RTN2: variants seen among roughly 807,000 people sequenced by gnomAD.
RTN2 encodes the protein reticulon-2.
RTN2 carries 36 observed loss-of-function variants against 63.7 expected under a neutral mutation model. The observed-to-expected ratio is 0.56, with a 90% CI of 0.43 to 0.75. The LOEUF is 0.75. Among genes scored for constraint, RTN2 ranks in the 30% least tolerant of loss-of-function variants. The pLI, the probability that RTN2 is intolerant of heterozygous loss-of-function variation, is 0.00. For synonymous variants in RTN2, 312 were observed against 313.0 expected (o/e 1.00, Z 0.03); for missense variants, 673 against 705.1 (o/e 0.95, Z 0.52).
chr19:45,493,066 T>G, intron 5 of RTN2, 94 bp downstream of exon 5: 6 of 1,204,388 alleles, frequency 5.0e-6, no homozygotes, highest in Non-Finnish European at 7.4e-6. Flanking sequence ...AGCAGATCAG[T>G]AATAAAAATG....
rs1306074364 is a variant in RTN2 at position 45,488,642 on chromosome 19, A to G, written c.1445T>C (p.Ile482Thr). Residue 482 changes from isoleucine (I) to threonine (T), a missense_variant, in exon 8 of 11, where the codon ATT becomes ACT. Ile to Thr is a moderately conservative substitution (Grantham distance 89, BLOSUM62 -1). Coordinates refer to ENST00000245923, the MANE Select transcript of RTN2 (RefSeq NM_005619.5). ...TTACGGCCTTCCCAGCTCACCCAGA[A>G]TGAGAAGAGTCAAACCATTGAAGAT... ...GAIFNGLTLL[I>T]LGVIGLFTIP... The G allele has an allele frequency of 6.2e-7, 1 of 1,614,024 alleles. No individual in the cohort carries two copies. The highest frequency in any genetic ancestry group is 1.7e-5 in the Admixed American group (1 of 59,966).
Position 45,485,800 on chromosome 19 carries a change from A to G in RTN2, c.1557-11T>C, listed in dbSNP as rs758326437. The stretch of plus-strand genomic sequence containing the variant: ...ATTTTAGCTCGGATCCTGAAGGAGA[A>G]ACAGGTGGGATCACGAGGTGGGGCA... On this transcript the variant is annotated splice_polypyrimidine_tract_variant and intron_variant, in intron 10 of 10. Coordinates refer to ENST00000245923, the MANE Select transcript of RTN2 (RefSeq NM_005619.5). 1.2e-5 allele frequency: 19 copies of G among 1,610,054 alleles called. No individual in the cohort carries two copies. The highest frequency in any genetic ancestry group is 1.6e-5 in the Non-Finnish European group (19 of 1,176,526).
At chr19:45,488,296 C>T (rs375082546) in intron 9 of RTN2, among the ~76,000 whole-genome samples, 175 bp downstream of exon 9, 77 of 152,248 alleles carry the variant, frequency 5.1e-4, no homozygotes, top group African/African-American at 1.7e-3. Context: ...AAAGCCTGTC[C>T]CTGGCTGATG....
At position 45,494,071 on chromosome 19, in the gene RTN2, T is replaced by C. The variant is rs112564712; in HGVS notation, c.814+95A>G. 6.6e-7 allele frequency: 1 copy of C among 1,511,592 alleles called. No individual in the cohort carries two copies. Among genetic ancestry groups the C allele is most frequent in the Non-Finnish European group, 8.9e-7 (1 of 1,120,266 alleles). 93.6% of individuals were successfully genotyped at this position (1,511,592 alleles called of 1,614,324 possible). On this transcript the variant is annotated intron_variant, in intron 4 of 10. Coordinates refer to ENST00000245923, the MANE Select transcript of RTN2 (RefSeq NM_005619.5). This position sits in a 1 kb window ranked among gnomAD's most constrained non-coding sequence, Gnocchi z 5.3. ...TCTATCTCTTCCCTTTTCCACTATG[T>C]ACTGTTCCTTTGCGAGGTTGGTCCC...
chr19:45,496,093 G>A (rs967273291), intron 1 of RTN2, among the ~76,000 whole-genome samples: 1 of 133,852 alleles, frequency 7.5e-6, no homozygotes, highest in Non-Finnish European at 1.6e-5. Context: ...GAGGCTAGGC[G>A]TTTTCAGCTG....
At chr19:45,491,139 C>G (rs1322901521) in intron 5 of RTN2, among the ~76,000 whole-genome samples, 1 of 151,782 alleles carries the variant, frequency 6.6e-6, no homozygotes, top group Non-Finnish European at 1.5e-5. Context: ...ATCCACCCAC[C>G]TTGGCCTCCA....
rs1460240675 is a variant in RTN2 at position 45,485,979 on chromosome 19, A to C, written c.1556+76T>G. The C allele has an allele frequency of 4.8e-6, 7 of 1,444,512 alleles. No homozygotes were observed. The Admixed American group carries it at 1.2e-4, about 25-fold the overall frequency. 89.5% of individuals were successfully genotyped at this position (1,444,512 alleles called of 1,614,324 possible). A position where few individuals can be genotyped will look rare whatever the true frequency, so the allele number is the denominator to read the frequency against. On this transcript the variant is annotated intron_variant, in intron 10 of 10. Coordinates refer to ENST00000245923, the MANE Select transcript of RTN2 (RefSeq NM_005619.5). ...GGACATTACCCCAGGAGATTTGCGG[A>C]CAGCGAGAGTAGAAAGGAAAGGTTC...
At chr19:45,489,136 GGGGTCA>G (rs145983685) in intron 6 of RTN2, 150 bp from the exon 7 acceptor site, 7 of 963,306 alleles carry the variant, frequency 7.3e-6, no homozygotes, top group African/African-American at 1.6e-5. Flanking sequence ...GTAGAGGGCT[GGGGTCA>G]GGGTCAGGGT....
rs762277551 is a variant in RTN2 at position 45,485,744 on chromosome 19, T to C, written c.1602A>G (p.Ala534=). The C allele has an allele frequency of 1.2e-6, 2 of 1,614,106 alleles. No homozygotes were observed. The highest frequency in any genetic ancestry group is 3.3e-5 in the Admixed American group (2 of 60,012). Residue 534 remains alanine (A), a synonymous_variant, in exon 11 of 11, where the codon GCA becomes GCG. Transcript: ENST00000245923. The part of the protein sequence containing the change: ...IPGTGALASA[A]AAVSGSKAKA... ...TGGCTTTGGATCCGGAGACTGCGGC[T>C]GCTGCAGAGGCCAGGGCTCCGGTCC...
In RTN2 at chr19:45,493,241, G is replaced by A; in HGVS notation, c.952C>T (p.Arg318Trp). 7.4e-6 allele frequency: 12 copies of A among 1,613,856 alleles called. No homozygotes were observed. The highest frequency in any genetic ancestry group is 9.3e-6 in the Non-Finnish European group (11 of 1,180,004). Residue 318 changes from arginine (R) to tryptophan (W), a missense_variant, in exon 5 of 11, where the codon CGG becomes TGG. Coordinates refer to ENST00000245923, the MANE Select transcript of RTN2 (RefSeq NM_005619.5). ...RGPTPPTPVL[R>W]VLLKWAKSPR... ...GATTTTGCCCACTTCAGTAGAACCC[G>A]GAGGACAGGAGTAGGGGGGGTGGGG...
intron 5 of RTN2, among the ~76,000 whole-genome samples, chr19:45,492,458 T>C (rs11083771): frequency 0.099 from 15,059 of 152,120 alleles, 854 homozygotes; most frequent in East Asian, 0.2. Context: ...GGATCACTTG[T>C]GCCCAGGTGT....
chr19:45,487,327 G>C (rs1968046915), intron 9 of RTN2, among the ~76,000 whole-genome samples: 1 of 151,912 alleles, frequency 6.6e-6, no homozygotes. Flanking sequence ...TTACAGTTGT[G>C]AGCCACTGTG....
intron 10 of RTN2, 55 bp downstream of exon 10, chr19:45,486,000 G>A: frequency 6.4e-7 from 1 of 1,551,176 alleles, no homozygotes; most frequent in Non-Finnish European, 8.9e-7. Flanking sequence ...AGAAAGGAAA[G>A]GTTCCCAAGC....
intron 5 of RTN2, 92 bp from the exon 6 acceptor site, chr19:45,489,645 C>A (rs960692632): frequency 1.2e-6 from 1 of 824,810 alleles, no homozygotes; most frequent in Non-Finnish European, 1.9e-6. Flanking sequence ...AATGACTTCT[C>A]GACACACCTG....
intron 5 of RTN2, among the ~76,000 whole-genome samples, chr19:45,492,539 TAAAAAG>T (rs1293083014): frequency 7.2e-5 from 11 of 152,154 alleles, no homozygotes; most frequent in Non-Finnish European, 1.3e-4. Flanking sequence ...CTCTGTGGCT[TAAAAAG>T]AAAAAGAAAC....
At position 45,486,030 on chromosome 19, in the gene RTN2, A is replaced by T. The variant is rs1040084246; in HGVS notation, c.1556+25T>A. The stretch of plus-strand genomic sequence containing the variant: ...CCAAGCTCCCCCACTTCCCCCTCCC[A>T]TCGACCTCCGCCCCATGCTCTTACT... On this transcript the variant is annotated intron_variant, in intron 10 of 10. Coordinates refer to ENST00000245923, the MANE Select transcript of RTN2 (RefSeq NM_005619.5). 4 of 1,611,762 alleles carry T rather than the reference A, an allele frequency of 2.5e-6. No individual in the cohort carries two copies. The African/African-American group carries it at 5.3e-5, about 22-fold the overall frequency.
intron 5 of RTN2, among the ~76,000 whole-genome samples, chr19:45,491,001 C>T (rs1178647705): frequency 6.6e-6 from 1 of 151,978 alleles, no homozygotes; most frequent in Non-Finnish European, 1.5e-5. Flanking sequence ...ATTCTCCTGC[C>T]TCAGCCTCCC....
At chr19:45,487,942 C>CAAAA (rs1310199487) in intron 9 of RTN2, among the ~76,000 whole-genome samples, 1 of 67,352 alleles carries the variant, frequency 1.5e-5, no homozygotes, top group Non-Finnish European at 2.8e-5. Flanking sequence ...GACTCCATCT[C>CAAAA]AAAAAAAAAA....
chr19:45,487,752 G>A (rs1968058526), intron 9 of RTN2, among the ~76,000 whole-genome samples: 1 of 151,220 alleles, frequency 6.6e-6, no homozygotes, highest in Admixed American at 6.6e-5. Flanking sequence ...GACCAGCCTG[G>A]CCAGCATGGT....
Sources: gnomAD v4.1 joint callset for allele counts (sites outside exome capture counted in the v4.1 genomes callset) on GRCh38, gnomAD v4.1.1 for gene constraint, Gnocchi (gnomAD v3.1) non-coding constraint, MANE v1.5 for transcripts, NCBI Gene and HGNC (gene_info 2026-07-23, HGNC 2026-07-21) for gene names.